The following ICAM1 variants were observed in gnomAD, a reference collection of about 807,000 sequenced individuals.
The protein encoded by ICAM1 is intercellular adhesion molecule 1, also known as ICAM-1.
Under a neutral mutation model 42.3 loss-of-function variants are expected in ICAM1, and 28 were observed. That is an observed-to-expected ratio of 0.66 (90% CI 0.49 to 0.91). The LOEUF is 0.91. Among genes scored for constraint, ICAM1 ranks in the 40% least tolerant of loss-of-function variants. The probability of loss-of-function intolerance (pLI) is 0.00; values close to 1 mark genes in which losing one functional copy is unlikely to be tolerated. For missense variants in ICAM1, 637 were observed against 688.6 expected (o/e 0.93, Z 0.84); for synonymous variants, 304 against 305.9 (o/e 0.99, Z 0.07).
intron 2 of ICAM1, among the ~76,000 whole-genome samples, chr19:10,277,930 G>A (rs1236682659): frequency 6.6e-6 from 1 of 152,216 alleles, no homozygotes; most frequent in Non-Finnish European, 1.5e-5. Context: ...TAGGCACGTG[G>A]CTCATGCCTA....
Position 10,284,419 on chromosome 19 carries a change from C to T in ICAM1, c.942C>T (p.Asn314=), listed in dbSNP as rs137970890. 2.2e-5 allele frequency: 36 copies of T among 1,613,482 alleles called. No individual in the cohort carries two copies. The highest frequency in any genetic ancestry group is 2.7e-5 in the African/African-American group (2 of 75,006). Residue 314 remains asparagine (N), a synonymous_variant, in exon 5 of 7, where the codon AAC becomes AAT. Coordinates refer to ENST00000264832, the MANE Select transcript of ICAM1 (RefSeq NM_000201.3). This position sits in a 1 kb window ranked among gnomAD's most constrained non-coding sequence, Gnocchi z 5.4. The part of the protein sequence containing the change: ...TVTIYSFPAP[N]VILTKPEVSE... ...CTATTCCAGGCTTTCCGGCGCCCAA[C>T]GTGATTCTGACGAAGCCAGAGGTCT...
Position 10,285,119 on chromosome 19 carries a change from C to G in ICAM1, c.1431C>G (p.Pro477=). The G allele has an allele frequency of 8.1e-6, 13 of 1,614,114 alleles. No homozygotes were observed. The highest frequency in any genetic ancestry group is 1.0e-5 in the Non-Finnish European group (12 of 1,180,020). ...CCTGTTGTATCCTCCCCACAGCCCC[C>G]CGGTATGAGATTGTCATCATCACTG... The part of the protein sequence containing the change: ...TRKVTVNVLS[P]RYEIVIITVV... The change falls in exon 7 of 7, where the codon CCC becomes CCG. Residue 477 remains proline, a synonymous_variant. Transcript: ENST00000264832.
intron 2 of ICAM1, chr19:10,283,186 C>T (rs2040073855): frequency 6.4e-6 from 2 of 310,538 alleles, no homozygotes; most frequent in Middle Eastern, 9.1e-4. Flanking sequence ...GTCTAGTGCA[C>T]TGGGCTGCTG....
chr19:10,276,996 T>G (rs190951534), intron 2 of ICAM1, among the ~76,000 whole-genome samples: 76 of 138,690 alleles, frequency 5.5e-4, no homozygotes, highest in Middle Eastern at 3.8e-3. Flanking sequence ...AAAAAAGAAA[T>G]AAAAGAAGGT....
intron 2 of ICAM1, among the ~76,000 whole-genome samples, chr19:10,278,240 G>C (rs1011897766): frequency 6.6e-6 from 1 of 152,094 alleles, no homozygotes; most frequent in Admixed American, 6.6e-5. Context: ...TTAGCCTTGG[G>C]TTCCAGTCCC....
chr19:10,277,539 G>A (rs2040026298), intron 2 of ICAM1, among the ~76,000 whole-genome samples: 1 of 151,732 alleles, frequency 6.6e-6, no homozygotes, highest in African/African-American at 2.4e-5. Context: ...CCAGCCTGGA[G>A]TGCAATGGTG....
At position 10,275,019 on chromosome 19, in the gene ICAM1, A is replaced by G; in HGVS notation, c.322A>G (p.Thr108Ala). The G allele has an allele frequency of 6.2e-7, 1 of 1,613,536 alleles. No homozygotes were observed. Among genetic ancestry groups the G allele is most frequent in the Non-Finnish European group, 8.5e-7 (1 of 1,179,966 alleles). Residue 108 changes from threonine (T) to alanine (A), a missense_variant, in exon 2 of 7, where the codon ACC becomes GCC. Thr to Ala is a moderately conservative substitution (Grantham distance 58). Transcript: ENST00000264832. ...DGQSTAKTFL[T>A]VYWTPERVEL... The stretch of plus-strand genomic sequence containing the variant: ...GCAGTCAACAGCTAAAACCTTCCTC[A>G]CCGTGTACTGTGAGTAACTGAGCCC...
intron 3 of ICAM1, 65 bp downstream of exon 3, chr19:10,283,851 G>T (rs2040081089): frequency 4.0e-6 from 6 of 1,502,318 alleles, no homozygotes; most frequent in Middle Eastern, 1.8e-4. Context: ...CGGTGCCTGT[G>T]GCCACAGGAT....
chr19:10,272,498 C>T (rs939242261), intron 1 of ICAM1, among the ~76,000 whole-genome samples: 4 of 151,448 alleles, frequency 2.6e-5, no homozygotes, highest in African/African-American at 9.7e-5. Context: ...TTCCCACCTT[C>T]GGAGGCAGCA....
chr19:10,278,569 T>TTTTTTTTTTG (rs2040033250), intron 2 of ICAM1, among the ~76,000 whole-genome samples: 1 of 99,896 alleles, frequency 1.0e-5, no homozygotes, highest in Non-Finnish European at 2.1e-5. Context: ...TTTTTTTTTT[T>TTTTTTTTTTG]TTCTTTTTTT....
chr19:10,284,987 C>A lies in ICAM1; in HGVS notation c.1385C>A (p.Thr462Asn), dbSNP rs868512314. ...EGTYLCRARS[T>N]QGEVTRKVTV... ...ACCTACCTCTGTCGGGCCAGGAGCA[C>A]TCAAGGGGAGGTCACCCGCAAGGTG... is the stretch of plus-strand genomic sequence containing the variant. Residue 462 changes from threonine (T) to asparagine (N), a missense_variant, in exon 6 of 7, where the codon ACT becomes AAT. By Grantham distance (65) the Thr-to-Asn change is moderately conservative (BLOSUM62 0). Transcript: ENST00000264832. The surrounding 1 kb of genome is among the most constrained non-coding windows in gnomAD (Gnocchi z 5.4). 1 of 1,613,280 alleles carries A rather than the reference C, an allele frequency of 6.2e-7. No homozygotes were observed. Among genetic ancestry groups the A allele is most frequent in the East Asian group, 2.2e-5 (1 of 44,862 alleles).
chr19:10,285,562 GC>G lies in ICAM1; in HGVS notation c.*277del. The G allele has an allele frequency of 4.8e-6, 2 of 417,198 alleles. No homozygotes were observed. Among genetic ancestry groups the G allele is most frequent in the Non-Finnish European group, 4.3e-6 (1 of 230,630 alleles). 25.8% of individuals were successfully genotyped at this position (417,198 alleles called of 1,614,324 possible). A position where few individuals can be genotyped will look rare whatever the true frequency, so the allele number is the denominator to read the frequency against. ...CATGATTGATGGATGTTAAAGTCTA[GC>G]CTGATGAGAGGGGAAGTGGTGGGGG... On this transcript the variant is annotated 3_prime_UTR_variant, in exon 7 of 7. Transcript: ENST00000264832.
chr19:10,276,800 C>G (rs62130661), intron 2 of ICAM1, among the ~76,000 whole-genome samples: 25,010 of 151,216 alleles, frequency 0.17, 2,608 homozygotes, highest in Non-Finnish European at 0.23. Context: ...GGAGAAACCC[C>G]GTCTCTATTA....
intron 2 of ICAM1, 106 bp downstream of exon 2, chr19:10,275,134 C>A: frequency 8.7e-7 from 1 of 1,144,546 alleles, no homozygotes; most frequent in Non-Finnish European, 1.2e-6. Flanking sequence ...CTCGTAGGGT[C>A]AAGGAGGGGC....
chr19:10,271,522 T>C (rs2039980609), intron 1 of ICAM1, among the ~76,000 whole-genome samples: 1 of 152,096 alleles, frequency 6.6e-6, no homozygotes, highest in African/African-American at 2.4e-5. Context: ...CCTTACCTCC[T>C]GCCTCAGCCT....
At chr19:10,276,363 G>A (rs1034626182) in intron 2 of ICAM1, among the ~76,000 whole-genome samples, 4 of 150,816 alleles carry the variant, frequency 2.7e-5, no homozygotes, top group African/African-American at 7.3e-5. Flanking sequence ...GGCTAACATG[G>A]TGAAACCCCG....
chr19:10,279,618 G>A (rs2040041555), intron 2 of ICAM1, among the ~76,000 whole-genome samples: 2 of 151,942 alleles, frequency 1.3e-5, no homozygotes, highest in Non-Finnish European at 2.9e-5. Flanking sequence ...CGAGTTGCTG[G>A]GATTAAGGTG....
chr19:10,278,989 A>C (rs748129657), intron 2 of ICAM1, among the ~76,000 whole-genome samples: 5 of 152,108 alleles, frequency 3.3e-5, no homozygotes, highest in South Asian at 2.1e-4. Flanking sequence ...AAAGGAGTAA[A>C]AGTTATGTGG....
Position 10,284,854 on chromosome 19 carries a change from A to G in ICAM1, c.1252A>G (p.Met418Val), listed in dbSNP as rs768253249. 9.4e-6 allele frequency: 15 copies of G among 1,595,664 alleles called. No homozygotes were observed. Among genetic ancestry groups the G allele is most frequent in the South Asian group, 2.3e-5 (2 of 88,350 alleles). Residue 418 changes from methionine (M) to valine (V), a missense_variant, in exon 6 of 7, where the codon ATG (methionine) becomes GTG (valine). By Grantham distance (21) the Met-to-Val change is conservative. Coordinates refer to ENST00000264832, the MANE Select transcript of ICAM1 (RefSeq NM_000201.3). This position sits in a 1 kb window ranked among gnomAD's most constrained non-coding sequence, Gnocchi z 5.4. ...GCCAGAAAATTCCCAGCAGACTCCA[A>G]TGTGCCAGGCTTGGGGGAACCCATT... ...TWPENSQQTP[M>V]CQAWGNPLPE...
Sources: gnomAD v4.1 joint callset for allele counts (sites outside exome capture counted in the v4.1 genomes callset) on GRCh38, gnomAD v4.1.1 for gene constraint, Gnocchi (gnomAD v3.1) non-coding constraint, MANE v1.5 for transcripts, NCBI Gene and HGNC (gene_info 2026-07-23, HGNC 2026-07-21) for gene names.